The following UTRN variants were observed in gnomAD, a reference collection of about 807,000 sequenced individuals.
UTRN encodes dystrophin-related protein 1.
In UTRN, 283 loss-of-function variants were observed where a neutral mutation model predicts 463.9. That is an observed-to-expected ratio of 0.61 (90% CI 0.55 to 0.67). The LOEUF (loss-of-function observed/expected upper bound fraction) is 0.67. Among genes scored for constraint, UTRN ranks in the 30% least tolerant of loss-of-function variants. The probability of loss-of-function intolerance (pLI) is 0.00; values close to 1 mark genes in which losing one functional copy is unlikely to be tolerated. For synonymous variants in UTRN, 1,442 were observed against 1,431.5 expected, an observed-to-expected ratio of 1.01 and a Z score of -0.17; for missense variants, 3,922 against 4,084.3, an observed-to-expected ratio of 0.96 and a Z score of 1.08.
chr6:144,411,271 A>G (rs974789963), intron 3 of UTRN, among the ~76,000 whole-genome samples: 1 of 152,166 alleles, frequency 6.6e-6, no homozygotes, highest in Non-Finnish European at 1.5e-5. Flanking sequence ...GTGAAGTGGT[A>G]TGGCATTGTG....
At chr6:144,481,994 G>T (rs1264829247) in intron 26 of UTRN, among the ~76,000 whole-genome samples, 1 of 152,190 alleles carries the variant, frequency 6.6e-6, no homozygotes, top group Non-Finnish European at 1.5e-5. Flanking sequence ...GGAGGCAGAG[G>T]TTGTAGTGAA....
At chr6:144,329,432 CAGTTACCAA>C (rs879647680) in intron 2 of UTRN, among the ~76,000 whole-genome samples, 3 of 152,118 alleles carry the variant, frequency 2.0e-5, no homozygotes, top group African/African-American at 7.2e-5. Context: ...TCCATGCATA[CAGTTACCAA>C]AATACTGAAA....
chr6:144,518,325 T>G (rs1470427148), intron 39 of UTRN, among the ~76,000 whole-genome samples: 1 of 152,214 alleles, frequency 6.6e-6, no homozygotes, highest in East Asian at 1.9e-4. Context: ...AGAAAAAGCT[T>G]TAAATGCAAG....
At chr6:144,487,937 C>T (rs970710783) in intron 29 of UTRN, among the ~76,000 whole-genome samples, 1 of 152,156 alleles carries the variant, frequency 6.6e-6, no homozygotes. Context: ...TACTTACAAA[C>T]ATTTAATTTT....
At chr6:144,528,127 C>T (rs1448394955) in intron 41 of UTRN, among the ~76,000 whole-genome samples, 2 of 151,510 alleles carry the variant, frequency 1.3e-5, no homozygotes, top group Non-Finnish European at 2.9e-5. Flanking sequence ...ACCTCCGCCT[C>T]CCAGGTTTGA....
Position 144,853,032 on chromosome 6 carries a change from C to A in UTRN, c.*2035C>A, listed in dbSNP as rs1782568242. ...ATCCTGAATAAAAGTAATTTTAACA[C>A]AAGATGACTTTGATATTCTTCAGCT... On this transcript the variant is annotated 3_prime_UTR_variant, in exon 75 of 75. Transcript: ENST00000367545. The A allele has an allele frequency of 6.6e-6, 1 of 152,108 alleles. No homozygotes were observed. The highest frequency in any genetic ancestry group is 6.6e-5 in the Admixed American group (1 of 15,262). 9.4% of individuals were successfully genotyped at this position (152,108 alleles called of 1,614,324 possible).
chr6:144,631,271 T>TG (rs34217290), intron 51 of UTRN, among the ~76,000 whole-genome samples: 2 of 149,870 alleles, frequency 1.3e-5, no homozygotes, highest in African/African-American at 4.9e-5. Flanking sequence ...TGTGTGTGTG[T>TG]AACTATTCTT....
At chr6:144,796,334 C>G (rs1348616381) in intron 63 of UTRN, among the ~76,000 whole-genome samples, 3 of 152,154 alleles carry the variant, frequency 2.0e-5, no homozygotes, top group Non-Finnish European at 2.9e-5. Flanking sequence ...TCTACCTCCT[C>G]GTACCATCTC....
intron 2 of UTRN, among the ~76,000 whole-genome samples, chr6:144,306,287 G>A (rs1805730145): frequency 6.6e-6 from 1 of 152,180 alleles, no homozygotes; most frequent in Admixed American, 6.5e-5. Context: ...CATGGATGGT[G>A]TGGGGTGTGT....
intron 52 of UTRN, among the ~76,000 whole-genome samples, chr6:144,681,632 C>T (rs1347869380): frequency 4.6e-5 from 7 of 150,752 alleles, no homozygotes; most frequent in South Asian, 4.2e-4. Flanking sequence ...GAGGTGAGTA[C>T]GTGGAAAAAG....
At chr6:144,388,500 A>G (rs1442604689) in intron 2 of UTRN, among the ~76,000 whole-genome samples, 1 of 150,518 alleles carries the variant, frequency 6.6e-6, no homozygotes, top group Non-Finnish European at 1.5e-5. Flanking sequence ...TTATTTATTT[A>G]TTTATTTATT....
At chr6:144,458,134 G>A (rs1008878094) in intron 19 of UTRN, among the ~76,000 whole-genome samples, 1 of 152,124 alleles carries the variant, frequency 6.6e-6, no homozygotes, top group African/African-American at 2.4e-5. Flanking sequence ...TCCCTGATGT[G>A]TTTCTAAAGT....
chr6:144,291,564 G>A (rs371054396), intron 1 of UTRN, among the ~76,000 whole-genome samples, 173 bp from the exon 2 acceptor site: 16 of 152,298 alleles, frequency 1.1e-4, no homozygotes, highest in African/African-American at 2.9e-4. Flanking sequence ...CATAAGCGCC[G>A]TAATGGCAGA....
chr6:144,702,945 A>G (rs1460694261), intron 53 of UTRN, among the ~76,000 whole-genome samples: 1 of 152,228 alleles, frequency 6.6e-6, no homozygotes, highest in Non-Finnish European at 1.5e-5. Flanking sequence ...AGAGGAAGCC[A>G]TGGAAGATGT....
At chr6:144,817,666 T>G (rs995157356) in intron 65 of UTRN, among the ~76,000 whole-genome samples, 1 of 152,160 alleles carries the variant, frequency 6.6e-6, no homozygotes, top group African/African-American at 2.4e-5. Flanking sequence ...TAAATTCACT[T>G]TATTGGCTCT....
intron 23 of UTRN, among the ~76,000 whole-genome samples, chr6:144,471,419 C>T (rs954023523): frequency 2.6e-5 from 4 of 152,254 alleles, no homozygotes; most frequent in Middle Eastern, 3.4e-3. Flanking sequence ...TAATGAATTT[C>T]CCAGTTATAC....
chr6:144,580,775 G>C (rs189476269), intron 51 of UTRN, among the ~76,000 whole-genome samples: 71 of 152,280 alleles, frequency 4.7e-4, no homozygotes, highest in Admixed American at 1.2e-3. Context: ...ATAGTAACAA[G>C]AGTGATGCAA....
rs1429205958 is a variant in UTRN, at chr6:144,418,856, G to A, written c.142-3022G>A. ...CATGAGCCACCGTGCCCAGCCAGTT[G>A]TTTTATATTATACTATTTTTTGGAA... is the stretch of plus-strand genomic sequence containing the variant. On this transcript the variant is annotated intron_variant, in intron 3 of 74. Coordinates refer to ENST00000367545, the MANE Select transcript of UTRN (RefSeq NM_007124.3). Among the ~76,000 whole-genome samples the A allele has an allele frequency of 2.6e-5, 4 of 152,028 alleles. No individual in the cohort carries two copies. In the East Asian group the frequency reaches 7.7e-4, roughly 29 times the overall value.
At chr6:144,352,914 T>A (rs1221889441) in intron 2 of UTRN, among the ~76,000 whole-genome samples, 11 of 152,100 alleles carry the variant, frequency 7.2e-5, no homozygotes, top group African/African-American at 2.2e-4. Context: ...TTTTCTAAAT[T>A]TTCTCATCTA....
Sources: allele counts gnomAD v4.1 joint callset (sites outside exome capture counted in the v4.1 genomes callset), GRCh38; gene constraint gnomAD v4.1.1; transcripts MANE v1.5; gene names NCBI Gene and HGNC (gene_info 2026-07-23, HGNC 2026-07-21).